The following DEPDC5 variants were observed in gnomAD, a reference collection of about 807,000 sequenced individuals.
DEPDC5 encodes GATOR1 complex protein DEPDC5.
Under a neutral mutation model 217.3 loss-of-function variants are expected in DEPDC5, and 73 were observed. The observed-to-expected ratio is 0.34, with a 90% CI of 0.28 to 0.41. DEPDC5 has a LOEUF of 0.41. DEPDC5 is among the 10% of genes least tolerant of loss of function. The pLI is 1.00. For missense variants in DEPDC5, 1,675 were observed against 2,070.1 expected (o/e 0.81, Z 3.70); for synonymous variants, 733 against 756.7 (o/e 0.97, Z 0.51).
At chr22:31,898,866 T>C (rs889560538) in intron 40 of DEPDC5, among the ~76,000 whole-genome samples, 16 of 152,234 alleles carry the variant, frequency 1.1e-4, no homozygotes, top group African/African-American at 2.7e-4. Context: ...AAAGCCCCCT[T>C]GAAACACACA....
At position 31,815,189 on chromosome 22, in the gene DEPDC5, C is replaced by T. The variant is rs867743289; in HGVS notation, c.1643C>T (p.Ser548Phe). The change falls in exon 21 of 43, where the codon TCC becomes TTC. Residue 548 changes from serine to phenylalanine, a missense_variant. Ser to Phe is a radical substitution (Grantham distance 155). Around this residue, in one of 11 missense-constraint regions of DEPDC5, gnomAD observed 628 missense variants for 762.1 expected, o/e 0.82. Coordinates refer to ENST00000651528, the MANE Select transcript of DEPDC5 (RefSeq NM_001242896.3). ...PHLHQYEVSSSLGYTSTRDVL... is the reference protein window; with the variant it reads ...PHLHQYEVSSFLGYTSTRDVL... ...CTGCACCAGTATGAAGTCAGCAGCT[C>T]CTTGGGATACACCAGCACTCGAGGT... The T allele has an allele frequency of 1.2e-6, 2 of 1,614,028 alleles. No individual in the cohort carries two copies. The highest frequency in any genetic ancestry group is 1.3e-5 in the African/African-American group (1 of 74,902).
chr22:31,834,258 C>A, intron 25 of DEPDC5: 1 of 428,574 alleles, frequency 2.3e-6, no homozygotes. Flanking sequence ...CCAGAGCTGG[C>A]CTTCACCCTT....
chr22:31,792,172 C>A, intron 11 of DEPDC5, 70 bp downstream of exon 11: 1 of 1,190,798 alleles, frequency 8.4e-7, no homozygotes, highest in Non-Finnish European at 1.2e-6. Flanking sequence ...CAGCCATTTC[C>A]TTTCATTTTT....
intron 21 of DEPDC5, chr22:31,816,067 A>G (rs1397799269): frequency 2.1e-6 from 2 of 966,898 alleles, no homozygotes; most frequent in Non-Finnish European, 2.5e-6. Flanking sequence ...TGGGAGGCCA[A>G]GGCGGGTGGA....
intron 36 of DEPDC5, 92 bp from the exon 37 acceptor site, chr22:31,876,065 C>A: frequency 2.7e-6 from 3 of 1,101,336 alleles, no homozygotes; most frequent in East Asian, 2.4e-5. Context: ...CCTCAGTGCT[C>A]CTGTCACTCC....
intron 38 of DEPDC5, among the ~76,000 whole-genome samples, chr22:31,891,664 G>A (rs2093440872): frequency 6.6e-6 from 1 of 152,218 alleles, no homozygotes; most frequent in Non-Finnish European, 1.5e-5. Context: ...CACTTCAGCT[G>A]AAGAAAACTG....
chr22:31,834,011 GT>G, intron 25 of DEPDC5, 31 bp downstream of exon 25: 1 of 1,607,066 alleles, frequency 6.2e-7, no homozygotes, highest in East Asian at 2.2e-5. Flanking sequence ...GGGGAAAGGG[GT>G]AGACAGGGAG....
chr22:31,900,133 G>A (rs1394689577), intron 40 of DEPDC5, among the ~76,000 whole-genome samples: 3 of 151,964 alleles, frequency 2.0e-5, no homozygotes, highest in African/African-American at 4.8e-5. Context: ...TGCAACCTCC[G>A]CCTCCTGGGT....
In DEPDC5 at chr22:31,838,665, C is replaced by G. The variant is rs2091201156; in HGVS notation, c.2355-20C>G. 3 of 1,612,242 alleles carry G rather than the reference C, an allele frequency of 1.9e-6. No homozygotes were observed. The African/African-American group carries it at 4.0e-5, about 22-fold the overall frequency. On this transcript the variant is annotated intron_variant, in intron 26 of 42. Transcript: ENST00000651528. ...GTCTCGGGCCAAGCATCTGTATGAG[C>G]AATCATCTGTTGTTTTCAGGAGGGA...
intron 20 of DEPDC5, among the ~76,000 whole-genome samples, chr22:31,813,729 T>C (rs2088720945): frequency 6.6e-6 from 1 of 151,856 alleles, no homozygotes. Context: ...TAGGAAATGT[T>C]CAGACGTGCT....
intron 23 of DEPDC5, 35 bp from the exon 24 acceptor site, chr22:31,822,658 C>T: frequency 6.2e-7 from 1 of 1,607,212 alleles, no homozygotes; most frequent in Non-Finnish European, 8.5e-7. Flanking sequence ...TGATGATCTA[C>T]ATTAAGCCAG....
At chr22:31,898,428 G>A (rs1441538393) in intron 40 of DEPDC5, among the ~76,000 whole-genome samples, 1 of 152,192 alleles carries the variant, frequency 6.6e-6, no homozygotes, top group Non-Finnish European at 1.5e-5. Context: ...AGCTTTTGAT[G>A]AGTTCACAGA....
chr22:31,792,102 GGTGA>G lies in DEPDC5; in HGVS notation c.694+3_694+6del, dbSNP rs1351154360. ...AACTTTCTATGATGCAAAATCTGTT[GGTGA>G]GTAACTATTTCTCTCCTACAGTTAT... On this transcript the variant is annotated splice_donor_variant and splice_donor_region_variant and intron_variant, in intron 11 of 42. Coordinates refer to ENST00000651528, the MANE Select transcript of DEPDC5 (RefSeq NM_001242896.3). LOFTEE classifies it high-confidence loss of function. 8 of 1,603,990 alleles carry G rather than the reference GGTGA, an allele frequency of 5.0e-6. No homozygotes were observed. The highest frequency in any genetic ancestry group is 4.4e-5 in the South Asian group (4 of 90,866).
At position 31,906,231 on chromosome 22, in the gene DEPDC5, T is replaced by C. The variant is rs2093756195; in HGVS notation, c.4546T>C (p.Ser1516Pro). 6.2e-7 allele frequency: 1 copy of C among 1,613,848 alleles called. No individual in the cohort carries two copies. The highest frequency in any genetic ancestry group is 1.3e-5 in the African/African-American group (1 of 74,934). Residue 1516 changes from serine (S) to proline (P), a missense_variant, in exon 43 of 43, where the codon TCC (serine) becomes CCC (proline). This residue lies in a region of DEPDC5 where 182 missense variants were observed against 290.1 expected (regional missense o/e 0.63). Transcript: ENST00000651528. The surrounding 1 kb of genome is among the most constrained non-coding windows in gnomAD (Gnocchi z 5.1). The part of the protein sequence containing the change: ...TGTVFLQLPY[S>P]KRKFSGQQRR... ...AACAGTGTTTCTGCAGCTGCCCTAC[T>C]CCAAGCGCAAGTTCTCAGGGCAGCA...
At chr22:31,804,534 G>A (rs1273746536) in intron 16 of DEPDC5, among the ~76,000 whole-genome samples, 6 of 152,146 alleles carry the variant, frequency 3.9e-5, no homozygotes, top group African/African-American at 9.7e-5. Context: ...CTGCCTCCCG[G>A]GTTCAATCAG....
intron 41 of DEPDC5, among the ~76,000 whole-genome samples, chr22:31,902,441 T>C (rs5994448): frequency 0.17 from 24,563 of 141,498 alleles, 3,369 homozygotes; most frequent in African/African-American, 0.35. Flanking sequence ...TATATACTTA[T>C]ATATACTCAT....
chr22:31,803,200 A>G (rs2087071351), intron 15 of DEPDC5, among the ~76,000 whole-genome samples: 1 of 150,836 alleles, frequency 6.6e-6, no homozygotes, highest in African/African-American at 2.4e-5. Context: ...ATGTGCTGTC[A>G]GCCGATTTTC....
At chr22:31,790,450 A>G (rs1034171524) in intron 10 of DEPDC5, among the ~76,000 whole-genome samples, 1 of 152,302 alleles carries the variant, frequency 6.6e-6, no homozygotes. Flanking sequence ...GTTTATTCTC[A>G]TTAGTCCCTG....
Position 31,876,221 on chromosome 22 carries a change from G to T in DEPDC5, c.3761G>T (p.Gly1254Val). The T allele has an allele frequency of 6.2e-7, 1 of 1,614,032 alleles. No individual in the cohort carries two copies. The highest frequency in any genetic ancestry group is 8.5e-7 in the Non-Finnish European group (1 of 1,180,014). ...SGEAWRTFIY[G>V]FYFYKIVTDK... Reference sequence around the variant, plus strand: ...GAAGCCTGGCGGACCTTCATCTACGGCTTCTATTTCTACAAGATAGTAACG... The same window carrying T: ...GAAGCCTGGCGGACCTTCATCTACGTCTTCTATTTCTACAAGATAGTAACG... The change falls in exon 37 of 43, where the codon GGC becomes GTC. Residue 1254 changes from glycine (G) to valine (V), a missense_variant. Physicochemically the swap from Gly to Val is moderately radical, Grantham distance 109. Coordinates refer to ENST00000651528, the MANE Select transcript of DEPDC5 (RefSeq NM_001242896.3).
Sources: gnomAD v4.1 joint callset for allele counts (sites outside exome capture counted in the v4.1 genomes callset) on GRCh38, gnomAD v4.1.1 for gene constraint, gnomAD v4.1.1 regional missense constraint, Gnocchi (gnomAD v3.1) non-coding constraint, MANE v1.5 for transcripts, NCBI Gene and HGNC (gene_info 2026-07-23, HGNC 2026-07-21) for gene names.